The following INPP5B variants were observed in gnomAD, a reference collection of about 807,000 sequenced individuals.
INPP5B encodes type II inositol 1,4,5-trisphosphate 5-phosphatase.
A neutral mutation model predicts 118.5 loss-of-function variants in INPP5B; 90 were observed. That is an observed-to-expected ratio of 0.76 (90% CI 0.64 to 0.90). The LOEUF (loss-of-function observed/expected upper bound fraction) is 0.90, where lower values mean the gene tolerates loss of function less well. INPP5B is among the 40% of genes least tolerant of loss of function. The pLI, the probability that INPP5B is intolerant of heterozygous loss-of-function variation, is 0.00. For synonymous variants in INPP5B, 385 were observed against 418.9 expected (o/e 0.92, Z 0.99); for missense variants, 984 against 1,125.6 (o/e 0.87, Z 1.80).
chr1:37,939,976 G>A (rs141780684), intron 6 of INPP5B, among the ~76,000 whole-genome samples: 4 of 152,192 alleles, frequency 2.6e-5, no homozygotes, highest in African/African-American at 9.6e-5. Flanking sequence ...GGCACAGCAA[G>A]CAAAATAAAG....
chr1:37,891,436 CCAT>C lies in INPP5B; in HGVS notation c.548_550del (p.Asp183del), dbSNP rs752024634. 1 of 1,613,396 alleles carries C rather than the reference CCAT, an allele frequency of 6.2e-7. No homozygotes were observed. Among genetic ancestry groups the C allele is most frequent in the South Asian group, 1.1e-5 (1 of 91,058 alleles). On this transcript the variant is annotated inframe_deletion, in exon 8 of 24. Coordinates refer to ENST00000373024, the MANE Select transcript of INPP5B (RefSeq NM_005540.3). Reference sequence around the variant, plus strand: ...CACTCCCTTCCCATTTGGTCTCAAACCATCAAAGTTAGAACCACCTAAAGGGAA... The same window carrying C: ...CACTCCCTTCCCATTTGGTCTCAAACCAAAGTTAGAACCACCTAAAGGGAA...
At chr1:37,897,423 G>T (rs373408586) in intron 7 of INPP5B, among the ~76,000 whole-genome samples, 3 of 151,324 alleles carry the variant, frequency 2.0e-5, no homozygotes, top group East Asian at 1.9e-4. Flanking sequence ...CCTGTTGATC[G>T]GTGACCTTAC....
chr1:37,876,260 T>C (rs921439423), intron 16 of INPP5B, among the ~76,000 whole-genome samples: 2 of 151,886 alleles, frequency 1.3e-5, no homozygotes, highest in African/African-American at 2.4e-5. Flanking sequence ...CAAGCCATCA[T>C]GCCCAGCTAA....
chr1:37,931,752 G>A lies in INPP5B; in HGVS notation c.532+161C>T, dbSNP rs772002276. ...CCTCAAGCTCCTCATCCCGCCGCCCGTCCCGCGCGCTCCGCCCCCAGACGA... is the reference window on the plus strand; with the variant it reads ...CCTCAAGCTCCTCATCCCGCCGCCCATCCCGCGCGCTCCGCCCCCAGACGA... On this transcript the variant is annotated intron_variant, in intron 7 of 23. Transcript: ENST00000373024. 5.0e-6 allele frequency: 8 copies of A among 1,600,316 alleles called. No individual in the cohort carries two copies. The Admixed American group carries it at 8.4e-5, about 17-fold the overall frequency.
intron 19 of INPP5B, chr1:37,869,826 T>G (rs1280229151): frequency 6.6e-6 from 1 of 152,008 alleles, no homozygotes; most frequent in African/African-American, 2.4e-5. Context: ...CAAATCACTC[T>G]CCTTGATTGG....
intron 8 of INPP5B, among the ~76,000 whole-genome samples, chr1:37,890,430 A>T (rs931879894): frequency 6.6e-6 from 1 of 152,158 alleles, no homozygotes; most frequent in African/African-American, 2.4e-5. Flanking sequence ...ATTCCACAGG[A>T]ATAATCCAAA....
intron 18 of INPP5B, 83 bp from the exon 19 acceptor site, chr1:37,873,248 G>T: frequency 2.1e-6 from 2 of 954,600 alleles, no homozygotes; most frequent in Non-Finnish European, 3.4e-6. Context: ...AGAGGGTAAG[G>T]CATAAAGGGT....
At chr1:37,865,690 T>C (rs761657105) in intron 22 of INPP5B, 71 bp downstream of exon 22, 7 of 1,532,732 alleles carry the variant, frequency 4.6e-6, no homozygotes, top group Non-Finnish European at 6.3e-6. Context: ...CTTGAGGAAC[T>C]GTGTCCACTC....
At chr1:37,896,345 C>G (rs1644062535) in intron 7 of INPP5B, among the ~76,000 whole-genome samples, 1 of 148,972 alleles carries the variant, frequency 6.7e-6, no homozygotes, top group East Asian at 2.1e-4. Flanking sequence ...AGTGAGGAGC[C>G]CCTCCGCCCG....
Position 37,864,392 on chromosome 1 carries a change from T to C in INPP5B, c.2546A>G (p.Asn849Ser). Residue 849 changes from asparagine (N) to serine (S), a missense_variant, in exon 23 of 24, where the codon AAT (asparagine) becomes AGT (serine). By Grantham distance (46) the Asn-to-Ser change is conservative. Around this residue, in one of 2 missense-constraint regions of INPP5B, gnomAD observed 634 missense variants for 791.0 expected, o/e 0.80. Coordinates refer to ENST00000373024, the MANE Select transcript of INPP5B (RefSeq NM_005540.3). Reference protein sequence around the residue: ...VISTLPIFHKNVFHYLMAFLR... With the variant: ...VISTLPIFHKSVFHYLMAFLR... Reference sequence around the variant, plus strand: ...AAACGCCATCAAGTAGTGGAAGACATTTTTGTGGAATATGGGGAGAGTAGA... The same window carrying C: ...AAACGCCATCAAGTAGTGGAAGACACTTTTGTGGAATATGGGGAGAGTAGA... The C allele has an allele frequency of 6.2e-7, 1 of 1,612,396 alleles. No individual in the cohort carries two copies. The highest frequency in any genetic ancestry group is 8.5e-7 in the Non-Finnish European group (1 of 1,178,502).
Position 37,867,156 on chromosome 1 carries a change from G to A in INPP5B, c.2302-613C>T, listed in dbSNP as rs971223199. 8.7e-4 allele frequency among the ~76,000 whole-genome samples: 132 copies of A among 152,084 alleles called. 1 individual carries two copies. Among genetic ancestry groups the A allele is most frequent in the African/African-American group, 3.0e-3 (123 of 41,416 alleles). On this transcript the variant is annotated intron_variant, in intron 20 of 23. Transcript: ENST00000373024. ...CTGAGGCAGGAGAATTGCTAGAGCCGGGGAGGCGGAGGTTGCAGTGAGCCA... is the reference window on the plus strand; with the variant it reads ...CTGAGGCAGGAGAATTGCTAGAGCCAGGGAGGCGGAGGTTGCAGTGAGCCA...
chr1:37,944,563 TC>T (rs1646048109), intron 3 of INPP5B, among the ~76,000 whole-genome samples: 1 of 151,532 alleles, frequency 6.6e-6, no homozygotes, highest in Non-Finnish European at 1.5e-5. Flanking sequence ...TTGAGCACTT[TC>T]TACACACCCC....
intron 20 of INPP5B, among the ~76,000 whole-genome samples, chr1:37,868,277 C>T (rs1642172079): frequency 6.8e-6 from 1 of 146,062 alleles, no homozygotes; most frequent in Non-Finnish European, 1.5e-5. Flanking sequence ...CGCACCATTG[C>T]ACTCCAGCCT....
intron 14 of INPP5B, among the ~76,000 whole-genome samples, chr1:37,882,504 T>C (rs1198601876): frequency 6.6e-6 from 1 of 152,170 alleles, no homozygotes; most frequent in Non-Finnish European, 1.5e-5. Flanking sequence ...GTCCTTTCTT[T>C]ATAGAAGCTT....
chr1:37,912,811 C>T (rs1557687744), intron 7 of INPP5B, among the ~76,000 whole-genome samples: 1 of 152,120 alleles, frequency 6.6e-6, no homozygotes, highest in Non-Finnish European at 1.5e-5. Flanking sequence ...CATCCTCTAC[C>T]TCTCCCCAGC....
chr1:37,889,429 T>C, intron 9 of INPP5B, 128 bp downstream of exon 9: 1 of 724,814 alleles, frequency 1.4e-6, no homozygotes, highest in Non-Finnish European at 2.2e-6. Flanking sequence ...ATCACTCATT[T>C]TGAAAATGAG....
Position 37,874,042 on chromosome 1 carries a change from G to A in INPP5B, c.1902C>T (p.Tyr634=). ...GGTTGGCATTCAGCCACTGCTTACAGTAAGACTCTTCATCAGGCTTGTTGA... is the reference window on the plus strand; with the variant it reads ...GGTTGGCATTCAGCCACTGCTTACAATAAGACTCTTCATCAGGCTTGTTGA... ...EFINKPDEES[Y]CKQWLNANPS... Residue 634 remains tyrosine (Y), a synonymous_variant, in exon 18 of 24, where the codon TAC becomes TAT. Transcript: ENST00000373024. The A allele has an allele frequency of 6.2e-7, 1 of 1,606,372 alleles. No homozygotes were observed. The highest frequency in any genetic ancestry group is 1.3e-5 in the African/African-American group (1 of 74,952).
chr1:37,938,270 A>AAAATAAATACAT (rs1553162604), intron 6 of INPP5B, among the ~76,000 whole-genome samples: 1 of 118,750 alleles, frequency 8.4e-6, no homozygotes, highest in Admixed American at 8.6e-5. Context: ...CTCTGTCTCA[A>AAAATAAATACAT]AAATAAATAA....
intron 8 of INPP5B, among the ~76,000 whole-genome samples, chr1:37,890,955 G>A (rs536076916): frequency 2.0e-5 from 3 of 152,240 alleles, no homozygotes; most frequent in South Asian, 2.1e-4. Flanking sequence ...AGCCAGGCAC[G>A]GTGGCTCATG....
Sources: allele counts gnomAD v4.1 joint callset (sites outside exome capture counted in the v4.1 genomes callset), GRCh38; gene constraint gnomAD v4.1.1; regional missense constraint gnomAD v4.1.1; transcripts MANE v1.5; gene names NCBI Gene and HGNC (gene_info 2026-07-23, HGNC 2026-07-21).